Variants in SPMAP2L observed in about 807,000 individuals in gnomAD.
SPMAP2L encodes sperm microtubule associated protein 2 like.
chr4:56,554,974 T>C, the SPMAP2L span, among the ~76,000 whole-genome samples: 188 of 150,800 alleles, frequency 1.2e-3, no homozygotes, highest in African/African-American at 4.0e-3. Context: ...AATTTCACTC[T>C]TGTTGCTCAG....
At chr4:56,603,397 C>A in the SPMAP2L span, 2 of 1,077,934 alleles carry the variant, frequency 1.9e-6, no homozygotes, top group Non-Finnish European at 2.6e-6. Context: ...TTCCCTGTTG[C>A]GGTACTGTCA....
chr4:56,548,994 T>C, the SPMAP2L span, among the ~76,000 whole-genome samples: 1 of 149,414 alleles, frequency 6.7e-6, no homozygotes, highest in Non-Finnish European at 1.5e-5. Flanking sequence ...TTTCTTTCTT[T>C]TTTTTTTTTT....
At chr4:56,609,936 G>C in the SPMAP2L span, among the ~76,000 whole-genome samples, 1 of 152,152 alleles carries the variant, frequency 6.6e-6, no homozygotes. Context: ...ACCTGAATAG[G>C]CTGAGAGAGA....
chr4:56,600,887 A>G, the SPMAP2L span: 1 of 1,498,516 alleles, frequency 6.7e-7, no homozygotes, highest in Non-Finnish European at 8.9e-7. Context: ...ACATAGAGAA[A>G]TGTAAAATTT....
chr4:56,625,279 CT>C, the SPMAP2L span, among the ~76,000 whole-genome samples: 6 of 152,260 alleles, frequency 3.9e-5, no homozygotes, highest in African/African-American at 1.4e-4. Context: ...AACTAGCTTG[CT>C]TTTGATTTTA....
the SPMAP2L span, among the ~76,000 whole-genome samples, chr4:56,596,042 A>T: frequency 0.034 from 5,144 of 152,328 alleles, 248 homozygotes; most frequent in African/African-American, 0.11. Flanking sequence ...GAAGCTATCC[A>T]GGAGACTTAA....
the SPMAP2L span, among the ~76,000 whole-genome samples, chr4:56,556,232 A>G: frequency 6.6e-6 from 1 of 152,216 alleles, no homozygotes; most frequent in African/African-American, 2.4e-5. Flanking sequence ...AATGCAGGAG[A>G]GAAATAGTGA....
the SPMAP2L span, among the ~76,000 whole-genome samples, chr4:56,573,808 T>C: frequency 1.3e-5 from 2 of 151,992 alleles, no homozygotes; most frequent in African/African-American, 2.4e-5. Flanking sequence ...TGTGTGGTGG[T>C]GTAGACAGGC....
the SPMAP2L span, among the ~76,000 whole-genome samples, chr4:56,540,541 T>TCAAAA: frequency 4.0e-5 from 6 of 150,266 alleles, no homozygotes; most frequent in African/African-American, 1.5e-4. Flanking sequence ...AGACTCTGTC[T>TCAAAA]CAAAACAAAA....
At chr4:56,600,607 G>A in the SPMAP2L span, among the ~76,000 whole-genome samples, 1 of 152,146 alleles carries the variant, frequency 6.6e-6, no homozygotes, top group African/African-American at 2.4e-5. Context: ...TGGGTTTAAA[G>A]CCTGGTAGCG....
At chr4:56,537,904 A>G in the SPMAP2L span, among the ~76,000 whole-genome samples, 10 of 152,186 alleles carry the variant, frequency 6.6e-5, no homozygotes, top group East Asian at 9.7e-4. Context: ...CATGTTAGCC[A>G]GGATGGTCTT....
the SPMAP2L span, among the ~76,000 whole-genome samples, chr4:56,567,442 GTTTTTTTT>G: frequency 0.15 from 9,988 of 65,802 alleles, 706 homozygotes; most frequent in East Asian, 0.32. Flanking sequence ...AATTTTGGTG[GTTTTTTTT>G]TTTTTTTTTT....
the SPMAP2L span, chr4:56,595,523 T>C: frequency 2.0e-6 from 3 of 1,511,402 alleles, no homozygotes; most frequent in Non-Finnish European, 1.8e-6. Flanking sequence ...ACCTGCGTTA[T>C]ATCTTCCCAC....
chr4:56,583,182 G>A, the SPMAP2L span, among the ~76,000 whole-genome samples: 1 of 152,050 alleles, frequency 6.6e-6, no homozygotes, highest in Admixed American at 6.6e-5. Flanking sequence ...GCTGAGGCAG[G>A]AGAATCGCTT....
chr4:56,579,621 T>G, the SPMAP2L span, among the ~76,000 whole-genome samples: 1 of 151,984 alleles, frequency 6.6e-6, no homozygotes, highest in Non-Finnish European at 1.5e-5. Flanking sequence ...AATTAAAAAA[T>G]TAATTGGCCA....
the SPMAP2L span, chr4:56,548,973 CT>C: frequency 9.9e-6 from 4 of 404,764 alleles, no homozygotes; most frequent in Middle Eastern, 3.2e-4. Flanking sequence ...CCTTTTCTTT[CT>C]TTTCTTTTCT....
At chr4:56,535,340 C>T in the SPMAP2L span, among the ~76,000 whole-genome samples, 1 of 152,240 alleles carries the variant, frequency 6.6e-6, no homozygotes, top group Admixed American at 6.5e-5. Context: ...CCCAGCGCCA[C>T]ACCCTGGGCC....
the SPMAP2L span, among the ~76,000 whole-genome samples, chr4:56,579,476 TA>T: frequency 2.3e-4 from 34 of 148,170 alleles, no homozygotes; most frequent in Admixed American, 2.7e-4. Flanking sequence ...ATGCCTATAT[TA>T]AAAAAAAAAG....
At chr4:56,600,924 T>C in the SPMAP2L span, 2 of 1,528,904 alleles carry the variant, frequency 1.3e-6, no homozygotes, top group Non-Finnish European at 1.7e-6. Context: ...TCTCTTTGTT[T>C]CCACTATAGG....
Sources: allele counts gnomAD v4.1 joint callset (sites outside exome capture counted in the v4.1 genomes callset), GRCh38; gene constraint gnomAD v4.1.1; transcripts MANE v1.5; gene names NCBI Gene and HGNC (gene_info 2026-07-23, HGNC 2026-07-21).